KCNB2: variants seen among roughly 807,000 people sequenced by gnomAD.
The protein encoded by KCNB2 is potassium voltage-gated channel subfamily B member 2.
In KCNB2, 15 loss-of-function variants were observed where a neutral mutation model predicts 61.5. That is an observed-to-expected ratio of 0.24 (90% CI 0.16 to 0.38). The LOEUF is 0.38. Ranked by LOEUF, KCNB2 falls within the 10% of genes least tolerant of loss-of-function variation. The pLI is 1.00. For synonymous variants in KCNB2, 457 were observed against 446.0 expected (o/e 1.02, Z -0.31); for missense variants, 828 against 1,125.2 (o/e 0.74, Z 3.78).
At chr8:72,595,338 T>G (rs939061163) in intron 2 of KCNB2, among the ~76,000 whole-genome samples, 9 of 151,354 alleles carry the variant, frequency 5.9e-5, no homozygotes, top group Non-Finnish European at 1.3e-4. Flanking sequence ...CTTTTTTTTT[T>G]TTTTTAAGAC....
chr8:72,864,510 A>G (rs1414529486), intron 2 of KCNB2, among the ~76,000 whole-genome samples: 4 of 152,334 alleles, frequency 2.6e-5, no homozygotes, highest in African/African-American at 4.8e-5. Flanking sequence ...TAGAGGAGGT[A>G]TAAATAATTT....
chr8:72,561,472 A>G (rs548638293), intron 1 of KCNB2, among the ~76,000 whole-genome samples: 4 of 151,428 alleles, frequency 2.6e-5, no homozygotes, highest in African/African-American at 9.7e-5. Flanking sequence ...AAATTTGAGG[A>G]ACAAAATGAT....
chr8:72,718,993 G>A (rs919523396), intron 2 of KCNB2, among the ~76,000 whole-genome samples: 3 of 151,972 alleles, frequency 2.0e-5, no homozygotes, highest in Non-Finnish European at 4.4e-5. Context: ...GTCAAGATAA[G>A]GGTTATGGCA....
In KCNB2 at chr8:72,834,904, G is replaced by A. The variant is rs190773348; in HGVS notation, c.580-101031G>A. On this transcript the variant is annotated intron_variant, in intron 2 of 2. Transcript: ENST00000523207. ...GTTTTTGTCACTCTGTGTGGAACCA[G>A]GCAAATAAGGCAAATGATTTCTCCA... 3.9e-5 allele frequency among the ~76,000 whole-genome samples: 6 copies of A among 152,284 alleles called. No individual in the cohort carries two copies. In the East Asian group the frequency reaches 1.2e-3, roughly 29 times the overall value.
intron 2 of KCNB2, among the ~76,000 whole-genome samples, chr8:72,851,008 C>T (rs1410035203): frequency 6.6e-6 from 1 of 152,172 alleles, no homozygotes; most frequent in Non-Finnish European, 1.5e-5. Context: ...ATTGGCATGG[C>T]ATAAACCAAG....
chr8:72,662,196 G>C (rs58404942), intron 2 of KCNB2, among the ~76,000 whole-genome samples: 1 of 152,112 alleles, frequency 6.6e-6, no homozygotes, highest in Non-Finnish European at 1.5e-5. Flanking sequence ...CAGCACTACT[G>C]CCTCCTGGCA....
intron 2 of KCNB2, among the ~76,000 whole-genome samples, chr8:72,569,282 A>C (rs1408772330): frequency 6.6e-6 from 1 of 152,218 alleles, no homozygotes; most frequent in East Asian, 1.9e-4. Context: ...GTGTGTCATC[A>C]CATGAATTCT....
chr8:72,607,184 A>G (rs1174198530), intron 2 of KCNB2, among the ~76,000 whole-genome samples: 2 of 152,130 alleles, frequency 1.3e-5, no homozygotes, highest in Non-Finnish European at 2.9e-5. Context: ...GGTAATGCTA[A>G]AGAGAGTGAC....
chr8:72,744,246 C>G (rs1808019086), intron 2 of KCNB2, among the ~76,000 whole-genome samples: 1 of 152,114 alleles, frequency 6.6e-6, no homozygotes, highest in South Asian at 2.1e-4. Flanking sequence ...GCAGTTTGCT[C>G]TTTCATATGT....
intron 2 of KCNB2, among the ~76,000 whole-genome samples, chr8:72,648,572 C>T (rs201558132): frequency 2.8e-5 from 4 of 144,002 alleles, no homozygotes; most frequent in South Asian, 2.2e-4. Context: ...CCACACCTGG[C>T]TTTTTTTTTT....
intron 1 of KCNB2, among the ~76,000 whole-genome samples, chr8:72,546,005 G>T (rs1348435027): frequency 6.6e-6 from 1 of 152,152 alleles, no homozygotes; most frequent in Non-Finnish European, 1.5e-5. Flanking sequence ...TGAAGGCTGA[G>T]AGAAGTGAGT....
chr8:72,761,190 C>T (rs921691705), intron 2 of KCNB2, among the ~76,000 whole-genome samples: 3 of 152,226 alleles, frequency 2.0e-5, no homozygotes, highest in South Asian at 2.1e-4. Flanking sequence ...GAGGTGTACT[C>T]GGAGGAGATG....
chr8:72,853,701 T>G (rs749853617), intron 2 of KCNB2, among the ~76,000 whole-genome samples: 1 of 152,204 alleles, frequency 6.6e-6, no homozygotes, highest in Non-Finnish European at 1.5e-5. Context: ...TTCAATGTTA[T>G]TACTAAAACC....
chr8:72,858,167 T>C (rs1422228027), intron 2 of KCNB2, among the ~76,000 whole-genome samples: 1 of 152,216 alleles, frequency 6.6e-6, no homozygotes. Context: ...TATATTTCAG[T>C]ACTTTGAACT....
intron 2 of KCNB2, among the ~76,000 whole-genome samples, chr8:72,758,857 A>G (rs1808334743): frequency 6.6e-6 from 1 of 152,206 alleles, no homozygotes; most frequent in Admixed American, 6.5e-5. Flanking sequence ...ATTAATGGAG[A>G]AAAAACAGAA....
intron 2 of KCNB2, among the ~76,000 whole-genome samples, chr8:72,665,904 G>A (rs1806463333): frequency 6.6e-6 from 1 of 152,218 alleles, no homozygotes; most frequent in Admixed American, 6.5e-5. Context: ...GACATGCTGT[G>A]AAAATAAACT....
chr8:72,805,981 C>G lies in KCNB2; in HGVS notation c.580-129954C>G, dbSNP rs906980957. Among the ~76,000 whole-genome samples the G allele has an allele frequency of 2.0e-5, 3 of 152,206 alleles. No individual in the cohort carries two copies. In the South Asian group the frequency reaches 6.2e-4, roughly 32 times the overall value. On this transcript the variant is annotated intron_variant, in intron 2 of 2. Transcript: ENST00000523207. ...TGACCTTGAGAAACCACAACTTCTA[C>G]AGCTTCAATTTATTCATTGCAAAGG... is the stretch of plus-strand genomic sequence containing the variant.
At chr8:72,606,741 C>T (rs1164888858) in intron 2 of KCNB2, among the ~76,000 whole-genome samples, 4 of 152,268 alleles carry the variant, frequency 2.6e-5, no homozygotes, top group African/African-American at 9.6e-5. Context: ...AAGACCCAAA[C>T]AAATGAATAT....
intron 2 of KCNB2, among the ~76,000 whole-genome samples, chr8:72,809,923 T>C (rs1205996792): frequency 6.6e-6 from 1 of 152,232 alleles, no homozygotes; most frequent in Non-Finnish European, 1.5e-5. Flanking sequence ...TCAGTCTTAA[T>C]ACCCATCACT....
Sources: gnomAD v4.1 joint callset for allele counts (sites outside exome capture counted in the v4.1 genomes callset) on GRCh38, gnomAD v4.1.1 for gene constraint, MANE v1.5 for transcripts, NCBI Gene and HGNC (gene_info 2026-07-23, HGNC 2026-07-21) for gene names.